The following SORCS3 variants were observed in gnomAD, a reference collection of about 807,000 sequenced individuals.
SORCS3 encodes sortilin related VPS10 domain containing receptor 3.
SORCS3 carries 57 observed loss-of-function variants against 146.3 expected under a neutral mutation model. The observed-to-expected ratio is 0.39, with a 90% CI of 0.31 to 0.49. SORCS3 has a LOEUF of 0.49. Ranked by LOEUF, SORCS3 falls within the 20% of genes least tolerant of loss-of-function variation. The probability of loss-of-function intolerance (pLI) is 0.92; values close to 1 mark genes in which losing one functional copy is unlikely to be tolerated. For missense variants in SORCS3, 1,341 were observed against 1,575.5 expected (o/e 0.85, Z 2.52); for synonymous variants, 653 against 618.5 (o/e 1.06, Z -0.83).
At chr10:104,940,238 A>ATATATATATATATATATATTTT (rs1435205868) in intron 3 of SORCS3, among the ~76,000 whole-genome samples, 9 of 31,490 alleles carry the variant, frequency 2.9e-4, no homozygotes, top group Non-Finnish European at 4.9e-4. Context: ...ATATATATAT[A>ATATATATATATATATATATTTT]TTTTTTTTTT....
At chr10:105,115,346 G>A (rs902220900) in intron 7 of SORCS3, among the ~76,000 whole-genome samples, 2 of 152,140 alleles carry the variant, frequency 1.3e-5, no homozygotes, top group African/African-American at 4.8e-5. Flanking sequence ...CCTACAAAAT[G>A]CAAGAATTGA....
chr10:105,238,619 A>G (rs2056806529), intron 20 of SORCS3, among the ~76,000 whole-genome samples: 1 of 152,190 alleles, frequency 6.6e-6, no homozygotes, highest in Non-Finnish European at 1.5e-5. Flanking sequence ...CAGATGACAG[A>G]TGGCTTTGAA....
intron 1 of SORCS3, among the ~76,000 whole-genome samples, chr10:104,831,191 T>C (rs2017996899): frequency 6.6e-6 from 1 of 152,302 alleles, no homozygotes; most frequent in East Asian, 1.9e-4. Context: ...ATTCATGAAG[T>C]TCCATTAGTT....
intron 20 of SORCS3, among the ~76,000 whole-genome samples, chr10:105,243,153 C>T (rs2056846911): frequency 6.7e-6 from 1 of 148,732 alleles, no homozygotes; most frequent in African/African-American, 2.5e-5. Flanking sequence ...AGGTAATGAA[C>T]CAATTGAAGG....
chr10:105,235,495 T>C (rs1378974676), intron 20 of SORCS3, among the ~76,000 whole-genome samples: 2 of 151,672 alleles, frequency 1.3e-5, no homozygotes, highest in Non-Finnish European at 2.9e-5. Flanking sequence ...GTTTTTTTTT[T>C]TTAAACTCAT....
chr10:105,031,214 G>T (rs1056017040), intron 4 of SORCS3, among the ~76,000 whole-genome samples: 3 of 151,782 alleles, frequency 2.0e-5, no homozygotes, highest in African/African-American at 4.8e-5. Context: ...CAGGAGAATT[G>T]CTTGAACCCA....
At chr10:104,700,496 A>G (rs2016267912) in intron 1 of SORCS3, among the ~76,000 whole-genome samples, 1 of 152,164 alleles carries the variant, frequency 6.6e-6, no homozygotes, top group South Asian at 2.1e-4. Flanking sequence ...TCTTCATTTT[A>G]TCCCTGAAAT....
intron 5 of SORCS3, among the ~76,000 whole-genome samples, chr10:105,056,056 G>A (rs926190094): frequency 1.3e-5 from 2 of 152,308 alleles, no homozygotes; most frequent in South Asian, 2.1e-4. Flanking sequence ...CATCATCCTG[G>A]TGTTCCCAGA....
chr10:104,937,446 G>A (rs2019271427), intron 3 of SORCS3, among the ~76,000 whole-genome samples: 1 of 152,176 alleles, frequency 6.6e-6, no homozygotes. Context: ...CATTAGGAGA[G>A]TTCACTATAA....
chr10:104,741,394 C>T (rs960496955), intron 1 of SORCS3, among the ~76,000 whole-genome samples: 35 of 152,030 alleles, frequency 2.3e-4, no homozygotes, highest in African/African-American at 4.8e-4. Flanking sequence ...CACAGTTACT[C>T]GGAGCAGAGG....
chr10:105,064,600 G>A (rs1162174661), intron 5 of SORCS3, among the ~76,000 whole-genome samples: 1 of 152,168 alleles, frequency 6.6e-6, no homozygotes, highest in Non-Finnish European at 1.5e-5. Context: ...CCTGGGCGGG[G>A]GGTTGCTGGT....
intron 20 of SORCS3, among the ~76,000 whole-genome samples, chr10:105,242,519 CATTTATATAT>C (rs1564793574): frequency 3.0e-4 from 9 of 30,316 alleles, no homozygotes; most frequent in East Asian, 1.6e-3. Context: ...TATTTATATA[CATTTATATAT>C]ATTTATATAT....
intron 4 of SORCS3, among the ~76,000 whole-genome samples, chr10:105,021,017 C>T (rs1325194842): frequency 6.6e-6 from 1 of 152,226 alleles, no homozygotes; most frequent in Non-Finnish European, 1.5e-5. Flanking sequence ...TAGGCATCCC[C>T]ATGCCCAAAT....
At chr10:105,237,206 C>T (rs7895991) in intron 20 of SORCS3, among the ~76,000 whole-genome samples, 35,377 of 151,950 alleles carry the variant, frequency 0.23, 4,077 homozygotes, top group South Asian at 0.3. Flanking sequence ...GGTTGCAGAA[C>T]AAGACAAACC....
At chr10:105,098,485 C>G (rs2055761652) in intron 6 of SORCS3, among the ~76,000 whole-genome samples, 1 of 150,874 alleles carries the variant, frequency 6.6e-6, no homozygotes, top group South Asian at 2.1e-4. Context: ...AATACCTAGC[C>G]CAGTTTCCTT....
chr10:104,704,711 A>C (rs1230330918), intron 1 of SORCS3, among the ~76,000 whole-genome samples: 1 of 152,162 alleles, frequency 6.6e-6, no homozygotes, highest in African/African-American at 2.4e-5. Context: ...ATCCATGCAG[A>C]TCCTTGCATC....
At position 104,896,090 on chromosome 10, in the gene SORCS3, C is replaced by A. The variant is rs115083800; in HGVS notation, c.696-19743C>A. The stretch of plus-strand genomic sequence containing the variant: ...TCCTGGGAGTTTTCTGGCCAGAGTC[C>A]ATTTGTTTTTTATTACTGCCATTTT... On this transcript the variant is annotated intron_variant, in intron 2 of 26. Coordinates refer to ENST00000369701, the MANE Select transcript of SORCS3 (RefSeq NM_014978.3). Among the ~76,000 whole-genome samples, 895 of 152,036 alleles carry A rather than the reference C, an allele frequency of 5.9e-3. 12 individuals are homozygous for A. The highest frequency in any genetic ancestry group is 0.019 in the African/African-American group (807 of 41,446).
chr10:104,972,933 T>C lies in SORCS3; in HGVS notation c.796-4402T>C, dbSNP rs531614791. On this transcript the variant is annotated intron_variant, in intron 3 of 26. Transcript: ENST00000369701. ...TTGTTGAATTTTGTCAAAGGCCTTTTCTGCATCTATTGAGATAATCATGTG... is the reference window on the plus strand; with the variant it reads ...TTGTTGAATTTTGTCAAAGGCCTTTCCTGCATCTATTGAGATAATCATGTG... Among the ~76,000 whole-genome samples the C allele has an allele frequency of 5.2e-3, 785 of 152,340 alleles. 5 individuals are homozygous for C. The highest frequency in any genetic ancestry group is 0.014 in the Middle Eastern group (4 of 294).
At chr10:104,813,183 C>G (rs1043448498) in intron 1 of SORCS3, among the ~76,000 whole-genome samples, 1 of 152,186 alleles carries the variant, frequency 6.6e-6, no homozygotes, top group Non-Finnish European at 1.5e-5. Context: ...GCCTTCACTG[C>G]TGCTATTCCC....
Sources: gnomAD v4.1 joint callset for allele counts (sites outside exome capture counted in the v4.1 genomes callset) on GRCh38, gnomAD v4.1.1 for gene constraint, MANE v1.5 for transcripts, NCBI Gene and HGNC (gene_info 2026-07-23, HGNC 2026-07-21) for gene names.